COX19: variants seen among roughly 807,000 people sequenced by gnomAD.
COX19 encodes cytochrome c oxidase assembly protein COX19.
A neutral mutation model predicts 6.8 loss-of-function variants in COX19; 8 were observed. That is an observed-to-expected ratio of 1.18 (90% CI 0.69 to 2.12). COX19 has a LOEUF of 2.12. Among genes scored for constraint, COX19 ranks in the 30% most tolerant of loss-of-function variants. COX19 has a pLI of 0.00. For synonymous variants in COX19, 51 were observed against 38.0 expected, an observed-to-expected ratio of 1.34 and a Z score of -1.26; for missense variants, 131 against 104.6, an observed-to-expected ratio of 1.25 and a Z score of -1.10.
At chr7:972,227 G>A (rs1441847015) in intron 2 of COX19, among the ~76,000 whole-genome samples, 2 of 152,202 alleles carry the variant, frequency 1.3e-5, no homozygotes, top group Non-Finnish European at 1.5e-5. Context: ...GATTCAGTGT[G>A]GCCCTTGGAC....
rs1276237019 is a variant in COX19, at chr7:968,138, G to A, written c.*1240C>T. 6.6e-6 allele frequency: 1 copy of A among 152,318 alleles called. No homozygotes were observed. Among genetic ancestry groups the A allele is most frequent in the Admixed American group, 6.5e-5 (1 of 15,280 alleles). The allele number at this position is 152,318 out of a possible 1,614,324, so 9.4% of individuals were successfully genotyped here. A position where few individuals can be genotyped will look rare whatever the true frequency, so the allele number is the denominator to read the frequency against. ...CCATGGGTGCAGGGACACAGGGTTG[G>A]GCGGGCCCAGCCGCAATAGGTACTC... On this transcript the variant is annotated 3_prime_UTR_variant, in exon 3 of 3. Transcript: ENST00000344111.
intron 1 of COX19, among the ~76,000 whole-genome samples, chr7:974,251 A>T (rs1449303176): frequency 6.9e-4 from 66 of 95,950 alleles, no homozygotes; most frequent in African/African-American, 2.4e-3. Context: ...CCCCATCTCT[A>T]AAAAAAAAAA....
In COX19 at chr7:965,992, T is replaced by C. The variant is rs1233026282; in HGVS notation, c.*3386A>G. The C allele has an allele frequency of 2.0e-5, 3 of 152,200 alleles. No individual in the cohort carries two copies. The highest frequency in any genetic ancestry group is 2.9e-5 in the Non-Finnish European group (2 of 68,056). The allele number at this position is 152,200 out of a possible 1,614,324, so 9.4% of individuals were successfully genotyped here. ...ACCAGTGTGGTTTCTGCAACAGCAG[T>C]TTCCTGTTCCCAAAATTTCTTCTAT... On this transcript the variant is annotated 3_prime_UTR_variant, in exon 3 of 3. Transcript: ENST00000344111.
At position 973,241 on chromosome 7, in the gene COX19, T is replaced by G. The variant is rs201971747; in HGVS notation, c.134A>C (p.Asn45Thr). 6.2e-7 allele frequency: 1 copy of G among 1,604,858 alleles called. No individual in the cohort carries two copies. Among genetic ancestry groups the G allele is most frequent in the Non-Finnish European group, 8.5e-7 (1 of 1,176,434 alleles). Reference sequence around the variant, plus strand: ...CTTTCTGCACAAAGCATTTTCAAAATTATTGTTATGAAGACACTTCATGAA... The same window carrying G: ...CTTTCTGCACAAAGCATTTTCAAAAGTATTGTTATGAAGACACTTCATGAA... ...EKFMKCLHNNNFENALCRKES... is the reference protein window; with the variant it reads ...EKFMKCLHNNTFENALCRKES... Residue 45 changes from asparagine to threonine, a missense_variant, in exon 2 of 3, where the codon AAT (asparagine) becomes ACT (threonine). Transcript: ENST00000344111.
In COX19 at chr7:968,712, T is replaced by C. The variant is rs1040063471; in HGVS notation, c.*666A>G. 3 of 152,286 alleles carry C rather than the reference T, an allele frequency of 2.0e-5. No homozygotes were observed. The highest frequency in any genetic ancestry group is 4.4e-5 in the Non-Finnish European group (3 of 68,060). The allele number at this position is 152,286 out of a possible 1,614,324, so 9.4% of individuals were successfully genotyped here. A position where few individuals can be genotyped will look rare whatever the true frequency, so the allele number is the denominator to read the frequency against. ...GCACAGAAGACAGCTGGTGCGAGCC[T>C]AACTGCAAATGGACTCAGGTTCTTT... On this transcript the variant is annotated 3_prime_UTR_variant, in exon 3 of 3. Transcript: ENST00000344111.
chr7:971,793 C>A (rs945467169), intron 2 of COX19, among the ~76,000 whole-genome samples: 1 of 152,186 alleles, frequency 6.6e-6, no homozygotes, highest in East Asian at 1.9e-4. Flanking sequence ...ATGGGGTGAA[C>A]CCGGGAGGCG....
chr7:974,430 A>C (rs545283600), intron 1 of COX19, among the ~76,000 whole-genome samples: 11 of 152,126 alleles, frequency 7.2e-5, no homozygotes, highest in Non-Finnish European at 1.3e-4. Flanking sequence ...ACCGTGTCTC[A>C]AAACAAAAAC....
chr7:972,370 G>A (rs35588238), intron 2 of COX19, among the ~76,000 whole-genome samples: 32,431 of 152,102 alleles, frequency 0.21, 3,942 homozygotes, highest in East Asian at 0.29. Flanking sequence ...GAACACACCT[G>A]TGTGGCCGGA....
chr7:974,403 C>T (rs1847676356), intron 1 of COX19, among the ~76,000 whole-genome samples: 1 of 152,142 alleles, frequency 6.6e-6, no homozygotes, highest in Admixed American at 6.6e-5. Flanking sequence ...GCACTCCAGC[C>T]TAAGCAACAG....
At position 973,174 on chromosome 7, in the gene COX19, T is replaced by TAC. The variant is rs777448061; in HGVS notation, c.194+5_194+6dup. 6.4e-7 allele frequency: 1 copy of TAC among 1,573,226 alleles called. No homozygotes were observed. Among genetic ancestry groups the TAC allele is most frequent in the Non-Finnish European group, 8.6e-7 (1 of 1,160,122 alleles). ...AGGTGGAAATCATAACGCTTAGCTG[T>TAC]ACTCACCTCTCCATCCTGCATTCTA... On this transcript the variant is annotated splice_region_variant and intron_variant, in intron 2 of 2. Coordinates refer to ENST00000344111, the MANE Select transcript of COX19 (RefSeq NM_001031617.3).
At chr7:974,608 A>C (rs537558210) in intron 1 of COX19, among the ~76,000 whole-genome samples, 1 of 152,270 alleles carries the variant, frequency 6.6e-6, no homozygotes, top group Admixed American at 6.5e-5. Flanking sequence ...AAAATGTCAC[A>C]ATAAAATGTT....
chr7:970,511 C>T (rs1847620504), intron 2 of COX19, among the ~76,000 whole-genome samples: 2 of 146,198 alleles, frequency 1.4e-5, no homozygotes, highest in Admixed American at 6.9e-5. Flanking sequence ...GGCATGATCT[C>T]GGCTCACTAC....
chr7:975,183 G>A, intron 1 of COX19: 1 of 428,216 alleles, frequency 2.3e-6, no homozygotes, highest in South Asian at 4.7e-5. Context: ...CGGAGACCCG[G>A]AAGCCTGACG....
intron 2 of COX19, among the ~76,000 whole-genome samples, chr7:969,956 A>AT (rs58481554): frequency 0.13 from 15,756 of 117,446 alleles, 1,196 homozygotes; most frequent in East Asian, 0.23. Flanking sequence ...GTTATCTGAT[A>AT]TTTTTTTTTT....
intron 1 of COX19, chr7:975,063 C>T (rs996497926): frequency 1.8e-5 from 4 of 225,762 alleles, no homozygotes; most frequent in Non-Finnish European, 2.6e-5. Flanking sequence ...CAGCAGACAT[C>T]GCTAGGCACC....
In COX19 at chr7:972,533, C is replaced by T. The variant is rs571256026; in HGVS notation, c.194+648G>A. ...ATGCTTAGTGAGCTAATCATGGCCT[C>T]GAAAAGCAAAAATAAAAGCTCCCAC... On this transcript the variant is annotated intron_variant, in intron 2 of 2. Coordinates refer to ENST00000344111, the MANE Select transcript of COX19 (RefSeq NM_001031617.3). Among the ~76,000 whole-genome samples, 7 of 152,126 alleles carry T rather than the reference C, an allele frequency of 4.6e-5. No individual in the cohort carries two copies. The South Asian group carries it at 1.0e-3, about 23-fold the overall frequency.
rs1394755138 is a variant in COX19 at position 967,587 on chromosome 7, G to C, written c.*1791C>G. The C allele has an allele frequency of 6.6e-6, 1 of 152,272 alleles. No individual in the cohort carries two copies. The highest frequency in any genetic ancestry group is 1.5e-5 in the Non-Finnish European group (1 of 68,076). The allele number at this position is 152,272 out of a possible 1,614,324, so 9.4% of individuals were successfully genotyped here. ...CACTCCCGACGGCGGGTCAGAGTGC[G>C]ATGGGAAGAGGCCCCGGCCTGGGCC... On this transcript the variant is annotated 3_prime_UTR_variant, in exon 3 of 3. Coordinates refer to ENST00000344111, the MANE Select transcript of COX19 (RefSeq NM_001031617.3).
Position 969,170 on chromosome 7 carries a change from C to A in COX19, c.*208G>T. On this transcript the variant is annotated 3_prime_UTR_variant, in exon 3 of 3. Coordinates refer to ENST00000344111, the MANE Select transcript of COX19 (RefSeq NM_001031617.3). ...CCCAGCTTTGCCGGGAACGCCGTCC[C>A]ACTCAGGGGTTCAATGCAGAAACAC... 1.8e-6 allele frequency: 1 copy of A among 546,826 alleles called. No homozygotes were observed. The highest frequency in any genetic ancestry group is 3.2e-6 in the Non-Finnish European group (1 of 308,318). The allele number at this position is 546,826 out of a possible 1,614,324, so 33.9% of individuals were successfully genotyped here.
Position 969,428 on chromosome 7 carries a change from T to C in COX19, c.223A>G (p.Lys75Glu). The C allele has an allele frequency of 1.2e-6, 2 of 1,611,412 alleles. No homozygotes were observed. Among genetic ancestry groups the C allele is most frequent in the Non-Finnish European group, 1.7e-6 (2 of 1,177,668 alleles). The change falls in exon 3 of 3, where the codon AAA (lysine) becomes GAA (glutamate). Residue 75 changes from lysine (K) to glutamate (E), a missense_variant. Lys to Glu is a moderately conservative substitution (Grantham distance 56). Coordinates refer to ENST00000344111, the MANE Select transcript of COX19 (RefSeq NM_001031617.3). ...RKLMLQEPLE[K>E]LGFGDLTSGK... The stretch of plus-strand genomic sequence containing the variant: ...CTAGTCAAGTCTCCAAATCCCAGTT[T>C]CTCCAATGGTTCTTGTAGCATCAAT...
Sources: gnomAD v4.1 joint callset for allele counts (sites outside exome capture counted in the v4.1 genomes callset) on GRCh38, gnomAD v4.1.1 for gene constraint, MANE v1.5 for transcripts, NCBI Gene and HGNC (gene_info 2026-07-23, HGNC 2026-07-21) for gene names.